The following LRCH1 variants were observed in gnomAD, a reference collection of about 807,000 sequenced individuals.
LRCH1 encodes the protein leucine rich repeats and calponin homology domain containing 1.
LRCH1 carries 23 observed loss-of-function variants against 94.9 expected under a neutral mutation model. The ratio of observed to expected loss-of-function variants is 0.24; its 90% CI spans 0.17 to 0.34. The LOEUF is 0.34. LRCH1 is among the 10% of genes least tolerant of loss of function. The probability of loss-of-function intolerance (pLI) is 1.00; values close to 1 mark genes in which losing one functional copy is unlikely to be tolerated. For synonymous variants in LRCH1, 364 were observed against 354.9 expected (o/e 1.03, Z -0.29); for missense variants, 790 against 945.9 (o/e 0.84, Z 2.16).
At chr13:46,602,166 T>C (rs2137984559) in intron 1 of LRCH1, among the ~76,000 whole-genome samples, 1 of 152,044 alleles carries the variant, frequency 6.6e-6, no homozygotes, top group East Asian at 1.9e-4. Context: ...AGGTGTCAAG[T>C]AGATTAATGC....
intron 1 of LRCH1, among the ~76,000 whole-genome samples, chr13:46,648,079 A>G (rs1021066867): frequency 6.6e-6 from 1 of 152,180 alleles, no homozygotes; most frequent in East Asian, 1.9e-4. Flanking sequence ...CATAATACAG[A>G]ATCAATGGCA....
At chr13:46,739,418 C>T (rs1463826313) in intron 19 of LRCH1, among the ~76,000 whole-genome samples, 1 of 152,132 alleles carries the variant, frequency 6.6e-6, no homozygotes, top group Non-Finnish European at 1.5e-5. Flanking sequence ...TGAAATTTTG[C>T]CTCTTTAAAT....
intron 3 of LRCH1, among the ~76,000 whole-genome samples, chr13:46,671,113 C>G (rs1042924526): frequency 6.6e-6 from 1 of 152,190 alleles, no homozygotes; most frequent in African/African-American, 2.4e-5. Flanking sequence ...TCTGGGAATG[C>G]ACCTTGTTCA....
chr13:46,689,048 A>G (rs1272332543), intron 6 of LRCH1, 85 bp from the exon 7 acceptor site: 1 of 1,062,956 alleles, frequency 9.4e-7, no homozygotes, highest in Admixed American at 2.1e-5. Flanking sequence ...AATTATTATT[A>G]GAATATAAAT....
chr13:46,743,537 A>G lies in LRCH1; in HGVS notation c.*1689A>G. On this transcript the variant is annotated 3_prime_UTR_variant, in exon 20 of 20. Transcript: ENST00000389797. ...CTGTAACACAATAAAATCCCTTTGT[A>G]CGATGTCTAATGAGCACCCTGAGCC... The G allele has an allele frequency of 1.0e-6, 1 of 985,854 alleles. No homozygotes were observed. Among genetic ancestry groups the G allele is most frequent in the Non-Finnish European group, 1.2e-6 (1 of 829,928 alleles). The allele number at this position is 985,854 out of a possible 1,614,324, so 61.1% of individuals were successfully genotyped here.
At chr13:46,680,951 G>A (rs1370706933) in intron 3 of LRCH1, among the ~76,000 whole-genome samples, 1 of 152,156 alleles carries the variant, frequency 6.6e-6, no homozygotes, top group Non-Finnish European at 1.5e-5. Flanking sequence ...GGGGGTGTGT[G>A]GGGGAGTGAA....
chr13:46,699,246 A>G, intron 9 of LRCH1, 90 bp from the exon 10 acceptor site: 2 of 964,050 alleles, frequency 2.1e-6, no homozygotes, highest in Non-Finnish European at 1.7e-6. Flanking sequence ...ATTGTGAATA[A>G]CGCTGTTATA....
Position 46,669,078 on chromosome 13 carries a change from C to G in LRCH1, c.501C>G (p.Leu167=). ...CTGCCTGCCTGTGTGGTCTGCCTCT[C>G]AAAGTCTTAATCGCAAGTAACAACA... The part of the protein sequence containing the change: ...ALPACLCGLP[L]KVLIASNNKL... Residue 167 remains leucine (L), a synonymous_variant, in exon 3 of 20, where the codon CTC becomes CTG. Transcript: ENST00000389797. 1 of 1,614,146 alleles carries G rather than the reference C, an allele frequency of 6.2e-7. No individual in the cohort carries two copies.
intron 14 of LRCH1, among the ~76,000 whole-genome samples, 197 bp downstream of exon 14, chr13:46,712,041 A>G (rs184017402): frequency 1.3e-5 from 2 of 152,352 alleles, no homozygotes; most frequent in Admixed American, 6.5e-5. Flanking sequence ...TATGAGATAT[A>G]TTTTTAAAAA....
downstream of LRCH1, among the ~76,000 whole-genome samples, chr13:46,749,438 G>A (rs1205254056): frequency 6.6e-6 from 1 of 152,084 alleles, no homozygotes; most frequent in East Asian, 1.9e-4. Context: ...GGTGACTATA[G>A]TTCATCATAA....
chr13:46,603,341 C>T (rs545889000), intron 1 of LRCH1, among the ~76,000 whole-genome samples: 4 of 152,118 alleles, frequency 2.6e-5, no homozygotes, highest in Admixed American at 1.3e-4. Context: ...TCTCTGTCAG[C>T]CCCATTCTCT....
Position 46,741,670 on chromosome 13 carries a change from T to G in LRCH1, c.2114T>G (p.Leu705Arg), listed in dbSNP as rs1566261591. Residue 705 changes from leucine (L) to arginine (R), a missense_variant, in exon 20 of 20, where the codon CTG becomes CGG. By Grantham distance (102) the Leu-to-Arg change is moderately radical (BLOSUM62 -2). Coordinates refer to ENST00000389797, the MANE Select transcript of LRCH1 (RefSeq NM_001164211.2). ...GACCTCTGCTCTCCGTGTGACATCC[T>G]GCAGTTGGATTTTCGTCACATTCGA... ...EADLCSPCDI[L>R]QLDFRHIRKT... The G allele has an allele frequency of 6.2e-7, 1 of 1,614,234 alleles. No homozygotes were observed. Among genetic ancestry groups the G allele is most frequent in the Non-Finnish European group, 8.5e-7 (1 of 1,180,026 alleles).
rs3991577 is a variant in LRCH1, at chr13:46,606,148, A to ATGTGTGTGTGTGTGTG, written c.308-44037_308-44022dup. 2.4e-4 allele frequency among the ~76,000 whole-genome samples: 36 copies of ATGTGTGTGTGTGTGTG among 148,730 alleles called. 1 individual carries two copies. Among genetic ancestry groups the ATGTGTGTGTGTGTGTG allele is most frequent in the African/African-American group, 8.4e-4 (34 of 40,466 alleles). On this transcript the variant is annotated intron_variant, in intron 1 of 19. Transcript: ENST00000389797. ...ATGCTCAAACTCTAATTTTAACCTTATGTGTGTGTGTGTGTGTGTGTGTGT... is the reference window on the plus strand; with the variant it reads ...ATGCTCAAACTCTAATTTTAACCTTATGTGTGTGTGTGTGTGTGTGTGTGTGTGTGTGTGTGTGTGT...
At chr13:46,669,593 T>C (rs2051570094) in intron 3 of LRCH1, among the ~76,000 whole-genome samples, 1 of 152,210 alleles carries the variant, frequency 6.6e-6, no homozygotes, top group African/African-American at 2.4e-5. Flanking sequence ...TAGAAATCAT[T>C]GTCGCAAATC....
intron 1 of LRCH1, among the ~76,000 whole-genome samples, chr13:46,575,587 C>G (rs1454911295): frequency 1.3e-5 from 2 of 151,226 alleles, no homozygotes; most frequent in African/African-American, 2.4e-5. Flanking sequence ...CAAAAATCCT[C>G]CAGAAGGGGT....
At chr13:46,643,734 T>A (rs2138067521) in intron 1 of LRCH1, among the ~76,000 whole-genome samples, 1 of 152,232 alleles carries the variant, frequency 6.6e-6, no homozygotes, top group East Asian at 1.9e-4. Flanking sequence ...GTTAACAAAG[T>A]TGAGGATTAA....
intron 17 of LRCH1, among the ~76,000 whole-genome samples, chr13:46,725,214 A>AG (rs1458360955): frequency 7.0e-6 from 1 of 143,494 alleles, no homozygotes; most frequent in Admixed American, 6.8e-5. Context: ...GGGGAGAGAT[A>AG]GGGGGTGAGG....
chr13:46,574,061 G>C (rs1452692931), intron 1 of LRCH1, among the ~76,000 whole-genome samples: 4 of 151,106 alleles, frequency 2.6e-5, no homozygotes, highest in African/African-American at 9.7e-5. Flanking sequence ...GGCCAGGCTG[G>C]TCTCGAACTC....
At position 46,686,046 on chromosome 13, in the gene LRCH1, G is replaced by A. The variant is rs756413324; in HGVS notation, c.822+5G>A. 6.4e-7 allele frequency: 1 copy of A among 1,563,014 alleles called. No individual in the cohort carries two copies. The highest frequency in any genetic ancestry group is 1.3e-5 in the South Asian group (1 of 79,880). On this transcript the variant is annotated splice_donor_5th_base_variant and intron_variant, in intron 5 of 19. Transcript: ENST00000389797. ...CTGCAGTCTCCTCCAGCACAGGTGA[G>A]GGGTCTTGCAGCAAAGCCAATGCCC...
Sources: gnomAD v4.1 joint callset for allele counts (sites outside exome capture counted in the v4.1 genomes callset) on GRCh38, gnomAD v4.1.1 for gene constraint, MANE v1.5 for transcripts, NCBI Gene and HGNC (gene_info 2026-07-23, HGNC 2026-07-21) for gene names.